The following UNC13C variants were observed in gnomAD, a reference collection of about 807,000 sequenced individuals.
The protein encoded by UNC13C is unc-13 homolog C.
Under a neutral mutation model 245.4 loss-of-function variants are expected in UNC13C, and 174 were observed. The ratio of observed to expected loss-of-function variants is 0.71; its 90% confidence interval spans 0.63 to 0.80. The LOEUF (loss-of-function observed/expected upper bound fraction) is 0.80, where lower values mean the gene tolerates loss of function less well. UNC13C is among the 30% of genes least tolerant of loss of function. The probability of loss-of-function intolerance (pLI) is 0.00; values close to 1 mark genes in which losing one functional copy is unlikely to be tolerated. For synonymous variants in UNC13C, 992 were observed against 895.1 expected (o/e 1.11, Z -1.93); for missense variants, 2,829 against 2,602.9 (o/e 1.09, Z -1.89).
intron 19 of UNC13C, among the ~76,000 whole-genome samples, chr15:54,472,456 A>T (rs1477350933): frequency 6.6e-6 from 1 of 151,776 alleles, no homozygotes; most frequent in Admixed American, 6.6e-5. Context: ...TACTTTTACC[A>T]GTAAGTTCTA....
chr15:54,153,587 T>C (rs893707437), intron 4 of UNC13C, among the ~76,000 whole-genome samples: 2 of 152,082 alleles, frequency 1.3e-5, no homozygotes, highest in African/African-American at 4.8e-5. Flanking sequence ...GATACAATTT[T>C]ACACATCAAT....
chr15:54,439,636 G>C (rs1273799178), intron 19 of UNC13C, among the ~76,000 whole-genome samples: 2 of 151,708 alleles, frequency 1.3e-5, no homozygotes, highest in African/African-American at 4.8e-5. Context: ...TTGATACAAA[G>C]TCTCAAGTTT....
intron 29 of UNC13C, 130 bp downstream of exon 29, chr15:54,555,642 A>G: frequency 1.5e-6 from 1 of 677,188 alleles, no homozygotes; most frequent in Middle Eastern, 2.7e-4. Flanking sequence ...AGTTGAATAG[A>G]TATAGGTTGG....
At chr15:54,270,009 T>A (rs944701417) in intron 10 of UNC13C, among the ~76,000 whole-genome samples, 2 of 152,208 alleles carry the variant, frequency 1.3e-5, no homozygotes, top group Non-Finnish European at 2.9e-5. Context: ...TTTCTATTTG[T>A]CTCCTTTTTA....
intron 11 of UNC13C, 95 bp from the exon 12 acceptor site, chr15:54,297,715 GT>G (rs1325518860): frequency 9.1e-6 from 8 of 877,716 alleles, no homozygotes; most frequent in Non-Finnish European, 1.3e-5. Context: ...TACTTAAGCC[GT>G]TTTTTTGTTT....
chr15:54,135,823 T>C (rs1483812038), intron 2 of UNC13C, among the ~76,000 whole-genome samples: 1 of 152,156 alleles, frequency 6.6e-6, no homozygotes, highest in East Asian at 1.9e-4. Context: ...ATTTTTTTTC[T>C]ATTTCTGTAA....
At chr15:54,539,430 TTTAG>T (rs1346993092) in intron 26 of UNC13C, among the ~76,000 whole-genome samples, 4 of 152,094 alleles carry the variant, frequency 2.6e-5, no homozygotes, top group Non-Finnish European at 4.4e-5. Flanking sequence ...TCCTCATTTC[TTTAG>T]TTAGTTAATG....
chr15:54,248,539 G>A (rs59938768), intron 7 of UNC13C, among the ~76,000 whole-genome samples: 3,848 of 152,052 alleles, frequency 0.025, 160 homozygotes, highest in African/African-American at 0.088. Context: ...TCTTTATTAT[G>A]AAATGAAGCC....
chr15:54,294,130 T>A, intron 11 of UNC13C, 66 bp downstream of exon 11: 2 of 1,322,238 alleles, frequency 1.5e-6, no homozygotes, highest in Non-Finnish European at 2.0e-6. Flanking sequence ...GTGGCATGTA[T>A]TACATTCCCA....
intron 30 of UNC13C, among the ~76,000 whole-genome samples, chr15:54,578,092 C>T (rs943063399): frequency 1.3e-5 from 2 of 152,152 alleles, no homozygotes; most frequent in African/African-American, 4.8e-5. Context: ...TTATTTGGCC[C>T]AGCATTTTAT....
chr15:53,858,452 G>A, the UNC13C span, among the ~76,000 whole-genome samples: 307 of 148,490 alleles, frequency 2.1e-3, 6 homozygotes, highest in African/African-American at 7.4e-3. Context: ...ATGGTGTCTC[G>A]CTCTGTCGCC....
At chr15:54,088,955 CG>C (rs1460570196) in intron 2 of UNC13C, among the ~76,000 whole-genome samples, 2 of 151,918 alleles carry the variant, frequency 1.3e-5, no homozygotes, top group East Asian at 3.9e-4. Context: ...GATAACTTGG[CG>C]GGGGGGAACA....
chr15:54,158,177 A>G (rs1287672452), intron 4 of UNC13C, among the ~76,000 whole-genome samples: 2 of 152,226 alleles, frequency 1.3e-5, no homozygotes, highest in African/African-American at 2.4e-5. Flanking sequence ...AACTTTTAGA[A>G]CAGAAATTTG....
chr15:54,597,319 T>A (rs758187217), intron 30 of UNC13C, among the ~76,000 whole-genome samples: 1 of 152,122 alleles, frequency 6.6e-6, no homozygotes, highest in African/African-American at 2.4e-5. Flanking sequence ...CCAAGGGCAA[T>A]AGCAGCGTGC....
chr15:54,024,821 A>G (rs563640142), intron 2 of UNC13C, among the ~76,000 whole-genome samples: 1 of 152,172 alleles, frequency 6.6e-6, no homozygotes, highest in African/African-American at 2.4e-5. Context: ...AGGCTGAAGC[A>G]GGAGAATGGC....
chr15:53,854,081 C>T, the UNC13C span, among the ~76,000 whole-genome samples: 1 of 148,948 alleles, frequency 6.7e-6, no homozygotes, highest in Non-Finnish European at 1.5e-5. Context: ...CGCCTATTTC[C>T]TGAATTGTAT....
At chr15:54,017,758 T>A (rs1895725399) in intron 2 of UNC13C, among the ~76,000 whole-genome samples, 1 of 152,168 alleles carries the variant, frequency 6.6e-6, no homozygotes, top group African/African-American at 2.4e-5. Flanking sequence ...AACCTTGGAA[T>A]ACACACATGC....
intron 19 of UNC13C, among the ~76,000 whole-genome samples, chr15:54,477,384 G>A (rs1892811140): frequency 9.7e-6 from 1 of 103,422 alleles, no homozygotes; most frequent in African/African-American, 3.7e-5. Context: ...CCTGTCTTGT[G>A]CCACTTTTCA....
intron 4 of UNC13C, among the ~76,000 whole-genome samples, chr15:54,175,472 C>G (rs1293491007): frequency 6.7e-6 from 1 of 149,914 alleles, no homozygotes. Flanking sequence ...AAAAGAGACA[C>G]TTTGTTCCCA....
Sources: allele counts gnomAD v4.1 joint callset (sites outside exome capture counted in the v4.1 genomes callset), GRCh38; gene constraint gnomAD v4.1.1; transcripts MANE v1.5; gene names NCBI Gene and HGNC (gene_info 2026-07-23, HGNC 2026-07-21).